Variants in DDR2 observed in about 807,000 individuals in gnomAD.
DDR2 encodes the protein discoidin domain receptor tyrosine kinase 2.
In DDR2, 27 loss-of-function variants were observed where a neutral mutation model predicts 94.9. That is an observed-to-expected ratio of 0.28 (90% confidence interval 0.21 to 0.39). The LOEUF (loss-of-function observed/expected upper bound fraction) is 0.39. DDR2 is among the 10% of genes least tolerant of loss of function. DDR2 has a pLI of 1.00. For synonymous variants in DDR2, 382 were observed against 377.2 expected (o/e 1.01, Z -0.15); for missense variants, 783 against 1,076.0 (o/e 0.73, Z 3.81).
intron 2 of DDR2, among the ~76,000 whole-genome samples, chr1:162,684,642 A>G (rs964677127): frequency 2.0e-5 from 3 of 152,158 alleles, no homozygotes; most frequent in African/African-American, 7.2e-5. Flanking sequence ...TGGTTCAAAG[A>G]TAGATGCTCT....
intron 2 of DDR2, among the ~76,000 whole-genome samples, chr1:162,712,746 C>T (rs1354864187): frequency 6.6e-6 from 1 of 152,162 alleles, no homozygotes; most frequent in Non-Finnish European, 1.5e-5. Context: ...GCCACATGCT[C>T]CTTGATGTTC....
intron 7 of DDR2, among the ~76,000 whole-genome samples, chr1:162,758,713 T>A (rs1245704009): frequency 6.6e-6 from 1 of 152,234 alleles, no homozygotes; most frequent in Non-Finnish European, 1.5e-5. Flanking sequence ...AAGGCTGGCA[T>A]AATCACCCTT....
rs145038688 is a variant in DDR2 at position 162,771,025 on chromosome 1, T to C, written c.1504+513T>C. 2.2e-4 allele frequency among the ~76,000 whole-genome samples: 33 copies of C among 152,364 alleles called. No homozygotes were observed. The East Asian group carries it at 3.9e-3, about 18-fold the overall frequency. On this transcript the variant is annotated intron_variant, in intron 12 of 17. Coordinates refer to ENST00000367921, the MANE Select transcript of DDR2 (RefSeq NM_006182.4). ...GAGTTATCTATTTTTTGTGAATTTC[T>C]CTTTGGTAAACGTTTATTAGAGTAA...
rs1485882121 is a variant in DDR2 at position 162,786,069 on chromosome 1, G to A, written c.*5823G>A. The A allele has an allele frequency of 2.6e-5, 4 of 152,168 alleles. No homozygotes were observed. The highest frequency in any genetic ancestry group is 2.6e-4 in the Admixed American group (4 of 15,282). The allele number at this position is 152,168 out of a possible 1,614,324, so 9.4% of individuals were successfully genotyped here. A position where few individuals can be genotyped will look rare whatever the true frequency, so the allele number is the denominator to read the frequency against. ...GCTCATCCACAATCACAATGAACATGTCAAGGAAGAATTTGCAGAGACTCA... is the reference window on the plus strand; with the variant it reads ...GCTCATCCACAATCACAATGAACATATCAAGGAAGAATTTGCAGAGACTCA... On this transcript the variant is annotated 3_prime_UTR_variant, in exon 18 of 18. Coordinates refer to ENST00000367921, the MANE Select transcript of DDR2 (RefSeq NM_006182.4).
intron 3 of DDR2, among the ~76,000 whole-genome samples, chr1:162,721,498 C>T (rs1276343325): frequency 1.3e-5 from 2 of 152,172 alleles, no homozygotes; most frequent in South Asian, 2.1e-4. Context: ...GCAGATGAGA[C>T]ATTTTCATTC....
chr1:162,729,871 G>A (rs1158069493), intron 3 of DDR2, among the ~76,000 whole-genome samples: 1 of 151,790 alleles, frequency 6.6e-6, no homozygotes, highest in African/African-American at 2.4e-5. Flanking sequence ...AGCCTCTCGA[G>A]TAGCTGGGAT....
At chr1:162,706,660 G>A (rs181737068) in intron 2 of DDR2, among the ~76,000 whole-genome samples, 25 of 152,326 alleles carry the variant, frequency 1.6e-4, no homozygotes, top group African/African-American at 2.9e-4. Flanking sequence ...TGGCAATGTG[G>A]TATTTTTAAC....
At chr1:162,729,785 C>T (rs2102057413) in intron 3 of DDR2, among the ~76,000 whole-genome samples, 1 of 151,024 alleles carries the variant, frequency 6.6e-6, no homozygotes, top group Non-Finnish European at 1.5e-5. Flanking sequence ...CTCTTATTAC[C>T]CAGGCTGGAG....
chr1:162,638,103 C>T (rs889516145), intron 1 of DDR2, among the ~76,000 whole-genome samples: 1 of 152,286 alleles, frequency 6.6e-6, no homozygotes, highest in Admixed American at 6.5e-5. Flanking sequence ...TCACTGCACC[C>T]TCTGCCTCCT....
chr1:162,642,333 C>T (rs375604430), intron 1 of DDR2, among the ~76,000 whole-genome samples: 27 of 151,434 alleles, frequency 1.8e-4, no homozygotes, highest in African/African-American at 5.8e-4. Context: ...AGTGCAATGG[C>T]GCCATCCTGG....
intron 2 of DDR2, among the ~76,000 whole-genome samples, chr1:162,674,356 C>T (rs1659027279): frequency 6.6e-6 from 1 of 152,188 alleles, no homozygotes; most frequent in Non-Finnish European, 1.5e-5. Flanking sequence ...GGGTGGTCTG[C>T]TCTCACCAAA....
At chr1:162,747,933 TA>T (rs1662966083) in intron 3 of DDR2, among the ~76,000 whole-genome samples, 1 of 152,120 alleles carries the variant, frequency 6.6e-6, no homozygotes, top group African/African-American at 2.4e-5. Flanking sequence ...TAAAATCCTT[TA>T]CAGACAAGCA....
Position 162,722,792 on chromosome 1 carries a change from A to G in DDR2, c.82+3647A>G, listed in dbSNP as rs536472205. The stretch of plus-strand genomic sequence containing the variant: ...TTCACTTGTAGTAAGATTAAGTTGG[A>G]TTAGATAATCTATGGGACCCTTTCT... On this transcript the variant is annotated intron_variant, in intron 3 of 17. Transcript: ENST00000367921. Among the ~76,000 whole-genome samples, 12 of 152,292 alleles carry G rather than the reference A, an allele frequency of 7.9e-5. No homozygotes were observed. The South Asian group carries it at 2.5e-3, about 32-fold the overall frequency.
chr1:162,681,033 G>A (rs372911146), intron 2 of DDR2, among the ~76,000 whole-genome samples: 2 of 152,106 alleles, frequency 1.3e-5, no homozygotes, highest in South Asian at 2.1e-4. Context: ...TGAAGAGAAC[G>A]CTGTCTGGAG....
upstream of DDR2, among the ~76,000 whole-genome samples, chr1:162,632,254 T>C (rs1052587738): frequency 6.6e-6 from 1 of 152,168 alleles, no homozygotes; most frequent in Admixed American, 6.5e-5. Context: ...ACATATTTTT[T>C]CTTCTATGAA....
At chr1:162,767,129 C>T (rs936425549) in intron 10 of DDR2, 100 bp from the exon 11 acceptor site, 2 of 1,554,540 alleles carry the variant, frequency 1.3e-6, no homozygotes, top group East Asian at 2.3e-5. Flanking sequence ...TAATTATCCT[C>T]AAGGAACAGG....
At chr1:162,752,393 T>C (rs1440558538) in intron 3 of DDR2, among the ~76,000 whole-genome samples, 1 of 152,216 alleles carries the variant, frequency 6.6e-6, no homozygotes, top group African/African-American at 2.4e-5. Context: ...GGGTCAACTT[T>C]TTTGTTTCCT....
At chr1:162,734,741 G>A (rs1042189784) in intron 3 of DDR2, among the ~76,000 whole-genome samples, 6 of 152,188 alleles carry the variant, frequency 3.9e-5, no homozygotes, top group African/African-American at 1.2e-4. Flanking sequence ...TAAGGTCAGC[G>A]TGCTTGGTAG....
At chr1:162,723,744 T>A (rs1661527281) in intron 3 of DDR2, among the ~76,000 whole-genome samples, 1 of 152,128 alleles carries the variant, frequency 6.6e-6, no homozygotes, top group African/African-American at 2.4e-5. Flanking sequence ...GCCTTTAGGA[T>A]CCATGGTATA....
Sources: gnomAD v4.1 joint callset for allele counts (sites outside exome capture counted in the v4.1 genomes callset) on GRCh38, gnomAD v4.1.1 for gene constraint, MANE v1.5 for transcripts, NCBI Gene and HGNC (gene_info 2026-07-23, HGNC 2026-07-21) for gene names.